The following ZSCAN20 variants were observed in gnomAD, a reference collection of about 807,000 sequenced individuals.
The protein encoded by ZSCAN20 is zinc finger and SCAN domain-containing protein 20.
Under a neutral mutation model 97.1 loss-of-function variants are expected in ZSCAN20, and 39 were observed. The ratio of observed to expected loss-of-function variants is 0.40; its 90% CI spans 0.31 to 0.52. ZSCAN20 has a LOEUF of 0.52. Among genes scored for constraint, ZSCAN20 ranks in the 20% least tolerant of loss-of-function variants. The pLI, the probability that ZSCAN20 is intolerant of heterozygous loss-of-function variation, is 0.49. For synonymous variants in ZSCAN20, 456 were observed against 467.3 expected, an observed-to-expected ratio of 0.98 and a Z score of 0.31; for missense variants, 1,115 against 1,290.4, an observed-to-expected ratio of 0.86 and a Z score of 2.08.
intron 2 of ZSCAN20, among the ~76,000 whole-genome samples, chr1:33,487,135 A>T (rs115685594): frequency 7.6e-4 from 116 of 152,342 alleles, no homozygotes; most frequent in Non-Finnish European, 1.1e-3. Flanking sequence ...AATGCAGAAG[A>T]GCATAGTTAC....
intron 5 of ZSCAN20, 32 bp downstream of exon 5, chr1:33,489,634 G>T: frequency 6.3e-7 from 1 of 1,597,338 alleles, no homozygotes; most frequent in Non-Finnish European, 8.6e-7. Flanking sequence ...AGGTGATGTT[G>T]TCATGCTTCT....
In ZSCAN20 at chr1:33,491,158, G is replaced by C; in HGVS notation, c.900G>C (p.Leu300Phe). 6.2e-7 allele frequency: 1 copy of C among 1,614,136 alleles called. No individual in the cohort carries two copies. The highest frequency in any genetic ancestry group is 8.5e-7 in the Non-Finnish European group (1 of 1,180,036). Residue 300 changes from leucine to phenylalanine, a missense_variant, in exon 6 of 8, where the codon TTG (leucine) becomes TTC (phenylalanine). Leu to Phe is a conservative substitution (Grantham distance 22, BLOSUM62 0). Around this residue, in one of 3 missense-constraint regions of ZSCAN20, gnomAD observed 508 missense variants for 611.2 expected, o/e 0.83. Coordinates refer to ENST00000684572, the MANE Select transcript of ZSCAN20 (RefSeq NM_001377376.1). The surrounding 1 kb of genome is among the most constrained non-coding windows in gnomAD (Gnocchi z 4.3). Reference sequence around the variant, plus strand: ...TGGATAATGAGCCAGCTCAGGCATTGACCTGGAGGGATTCAAGAGCCTGGG... The same window carrying C: ...TGGATAATGAGCCAGCTCAGGCATTCACCTGGAGGGATTCAAGAGCCTGGG... The part of the protein sequence containing the change: ...YSLDNEPAQA[L>F]TWRDSRAWEE...
At chr1:33,486,408 G>C (rs1157986988) in intron 2 of ZSCAN20, among the ~76,000 whole-genome samples, 2 of 152,182 alleles carry the variant, frequency 1.3e-5, no homozygotes, top group African/African-American at 4.8e-5. Flanking sequence ...GATTCTACCT[G>C]TTTGTCTCTC....
At position 33,488,522 on chromosome 1, in the gene ZSCAN20, A is replaced by G. The variant is rs758518174; in HGVS notation, c.475A>G (p.Ser159Gly). The G allele has an allele frequency of 6.2e-7, 1 of 1,614,218 alleles. No individual in the cohort carries two copies. The change falls in exon 3 of 8, where the codon AGC becomes GGC. Residue 159 changes from serine (S) to glycine (G), a missense_variant. Ser to Gly is a moderately conservative substitution (Grantham distance 56). Transcript: ENST00000684572. ...CTTAAAGACAGGGGAAGAAGCTCAG[A>G]GCTTCCAGCTGCAGCCAGTGGATCC... ...RPLKTGEEAQSFQLQPVDPWP... is the reference protein window; with the variant it reads ...RPLKTGEEAQGFQLQPVDPWP...
chr1:33,485,732 A>T (rs1652339670), intron 2 of ZSCAN20, among the ~76,000 whole-genome samples: 1 of 152,050 alleles, frequency 6.6e-6, no homozygotes, highest in Non-Finnish European at 1.5e-5. Context: ...TCTTAGTCTG[A>T]CTAGAGGCTT....
At chr1:33,478,486 T>C (rs1570545652) in intron 1 of ZSCAN20, among the ~76,000 whole-genome samples, 1 of 151,848 alleles carries the variant, frequency 6.6e-6, no homozygotes, top group African/African-American at 2.4e-5. Flanking sequence ...TTTTGACTCA[T>C]TGAGTTTGAG....
chr1:33,485,008 G>A (rs1453866725), intron 2 of ZSCAN20, among the ~76,000 whole-genome samples: 1 of 152,180 alleles, frequency 6.6e-6, no homozygotes, highest in Non-Finnish European at 1.5e-5. Flanking sequence ...TAGGGTAAAT[G>A]CTGGCTTTAT....
chr1:33,497,508 T>C lies in ZSCAN20; in HGVS notation c.*2032T>C, dbSNP rs1358055277. On this transcript the variant is annotated 3_prime_UTR_variant, in exon 8 of 8. Transcript: ENST00000684572. ...GGAGGTTGGGAACAGGGAGCTGATA[T>C]TAGAGGAGTGCTGGAGCAAGGTCAC... Among the ~76,000 whole-genome samples the C allele has an allele frequency of 6.6e-6, 1 of 151,994 alleles. No homozygotes were observed. The highest frequency in any genetic ancestry group is 2.4e-5 in the African/African-American group (1 of 41,396).
intron 1 of ZSCAN20, among the ~76,000 whole-genome samples, chr1:33,473,261 C>A (rs1651797461): frequency 6.6e-6 from 1 of 152,112 alleles, no homozygotes; most frequent in Admixed American, 6.5e-5. Flanking sequence ...TACCTACTTA[C>A]CCACTGATTC....
chr1:33,488,381 A>T, intron 2 of ZSCAN20, 84 bp from the exon 3 acceptor site: 1 of 1,372,146 alleles, frequency 7.3e-7, no homozygotes, highest in Non-Finnish European at 1.0e-6. Context: ...AGAGCCTGTT[A>T]GCCTCTGGAC....
Position 33,498,477 on chromosome 1 carries a change from C to T in ZSCAN20, c.*3001C>T, listed in dbSNP as rs1274996703. Among the ~76,000 whole-genome samples the T allele has an allele frequency of 2.0e-5, 3 of 152,204 alleles. No homozygotes were observed. The highest frequency in any genetic ancestry group is 4.4e-5 in the Non-Finnish European group (3 of 68,044). On this transcript the variant is annotated 3_prime_UTR_variant, in exon 8 of 8. Transcript: ENST00000684572. ...GAAGAAGCACTCTTTCAGGGGGCTT[C>T]AGTGTTCCAGGCTTGCTGTCTACCC...
In ZSCAN20 at chr1:33,485,964, AG is replaced by A. The variant is rs376298276; in HGVS notation, c.418-2499del. Among the ~76,000 whole-genome samples the A allele has an allele frequency of 8.5e-4, 129 of 152,052 alleles. 1 individual carries two copies. Among genetic ancestry groups the A allele is most frequent in the African/African-American group, 3.1e-3 (128 of 41,430 alleles). ...GTGCTTCTCAATTTTTTCCCATCTT[AG>A]GTGGGACAGGATGCCTAAAGGGGGC... is the stretch of plus-strand genomic sequence containing the variant. On this transcript the variant is annotated intron_variant, in intron 2 of 7. Transcript: ENST00000684572.
rs754603745 is a variant in ZSCAN20 at position 33,489,577 on chromosome 1, C to T, written c.741C>T (p.Asp247=). ...EKELCKDPPG[D]DCGNSVCLGV... is the part of the protein sequence containing the mutation. ...AGCTCTGTAAAGACCCCCCAGGAGA[C>T]GACTGTGGGAACAGCGTGTGCCTGG... Residue 247 remains aspartate (D), a synonymous_variant, in exon 5 of 8, where the codon GAC becomes GAT. Transcript: ENST00000684572. The T allele has an allele frequency of 2.9e-5, 46 of 1,613,982 alleles. No homozygotes were observed. In the East Asian group the frequency reaches 4.9e-4, roughly 17 times the overall value.
rs1395241170 is a variant in ZSCAN20, at chr1:33,489,188, C to G, written c.678C>G (p.Ser226=). 6.2e-7 allele frequency: 1 copy of G among 1,613,332 alleles called. No homozygotes were observed. Among genetic ancestry groups the G allele is most frequent in the Non-Finnish European group, 8.5e-7 (1 of 1,179,632 alleles). ...SVGDWEVTAE[S]QEALGPGKHA... is the part of the protein sequence containing the mutation. ...GAGATTGGGAGGTGACAGCTGAGTCCCAGGTAAGCTGTTACTCGTTCTTCC... is the reference window on the plus strand; with the variant it reads ...GAGATTGGGAGGTGACAGCTGAGTCGCAGGTAAGCTGTTACTCGTTCTTCC... The change falls in exon 4 of 8, where the codon TCC becomes TCG. Residue 226 remains serine, a synonymous_variant. Transcript: ENST00000684572.
At position 33,491,844 on chromosome 1, in the gene ZSCAN20, A is replaced by G. The variant is rs528591557; in HGVS notation, c.1444+142A>G. The G allele has an allele frequency of 8.9e-6, 7 of 782,790 alleles. No individual in the cohort carries two copies. In the South Asian group the frequency reaches 1.6e-4, roughly 18 times the overall value. 48.5% of individuals were successfully genotyped at this position (782,790 alleles called of 1,614,324 possible). Reference sequence around the variant, plus strand: ...AGCTACATTCCTTAGGTCATCCTCAAACTCCAACTTTCTTTTCCCATGACC... The same window carrying G: ...AGCTACATTCCTTAGGTCATCCTCAGACTCCAACTTTCTTTTCCCATGACC... On this transcript the variant is annotated intron_variant, in intron 6 of 7. Coordinates refer to ENST00000684572, the MANE Select transcript of ZSCAN20 (RefSeq NM_001377376.1). This position sits in a 1 kb window ranked among gnomAD's most constrained non-coding sequence, Gnocchi z 4.3.
Position 33,493,365 on chromosome 1 carries a change from A to C in ZSCAN20, c.1623A>C (p.Lys541Asn). The change falls in exon 7 of 8, where the codon AAA (lysine) becomes AAC (asparagine). Residue 541 changes from lysine to asparagine, a missense_variant. By Grantham distance (94) the Lys-to-Asn change is moderately conservative. Transcript: ENST00000684572. This position sits in a 1 kb window ranked among gnomAD's most constrained non-coding sequence, Gnocchi z 4.3. ...RTLEQCRYRF[K>N]NLLRSYRKAK... ...TGGAGCAGTGTCGCTACAGATTCAA[A>C]AACCTCCTTCGAAGCTACCGGAAAG... 6.2e-7 allele frequency: 1 copy of C among 1,614,162 alleles called. No individual in the cohort carries two copies.
intron 2 of ZSCAN20, among the ~76,000 whole-genome samples, chr1:33,480,845 G>C (rs546957213): frequency 2.0e-5 from 3 of 152,264 alleles, no homozygotes; most frequent in African/African-American, 7.2e-5. Flanking sequence ...CTTCAAAGCT[G>C]GTATATGTAG....
intron 5 of ZSCAN20, among the ~76,000 whole-genome samples, chr1:33,489,982 A>G (rs1359880330): frequency 2.0e-5 from 3 of 152,194 alleles, no homozygotes; most frequent in African/African-American, 7.2e-5. Flanking sequence ...ATTAAACCCA[A>G]TAGGAATAAA....
chr1:33,495,028 G>T lies in ZSCAN20; in HGVS notation c.2684G>T (p.Arg895Ile). ...SKSSALISHQ[R>I]IHTGEKPYEC... ...AGCTCTGCCCTCATTAGTCACCAAAGAATCCATACGGGAGAGAAACCATAT... is the reference window on the plus strand; with the variant it reads ...AGCTCTGCCCTCATTAGTCACCAAATAATCCATACGGGAGAGAAACCATAT... Residue 895 changes from arginine (R) to isoleucine (I), a missense_variant, in exon 8 of 8, where the codon AGA becomes ATA. Coordinates refer to ENST00000684572, the MANE Select transcript of ZSCAN20 (RefSeq NM_001377376.1). The T allele has an allele frequency of 6.2e-7, 1 of 1,613,944 alleles. No homozygotes were observed. Among genetic ancestry groups the T allele is most frequent in the Non-Finnish European group, 8.5e-7 (1 of 1,179,914 alleles).
Sources: gnomAD v4.1 joint callset for allele counts (sites outside exome capture counted in the v4.1 genomes callset) on GRCh38, gnomAD v4.1.1 for gene constraint, gnomAD v4.1.1 regional missense constraint, Gnocchi (gnomAD v3.1) non-coding constraint, MANE v1.5 for transcripts, NCBI Gene and HGNC (gene_info 2026-07-23, HGNC 2026-07-21) for gene names.